NRXN2: variants seen among roughly 807,000 people sequenced by gnomAD.
NRXN2 encodes neurexin-2-beta.
In NRXN2, 29 loss-of-function variants were observed where a neutral mutation model predicts 128.8. The observed-to-expected ratio is 0.23, with a 90% CI of 0.17 to 0.31. The LOEUF (loss-of-function observed/expected upper bound fraction) is 0.31, where lower values mean the gene tolerates loss of function less well. Ranked by LOEUF, NRXN2 falls within the 10% of genes least tolerant of loss-of-function variation. The probability of loss-of-function intolerance (pLI) is 1.00; values close to 1 mark genes in which losing one functional copy is unlikely to be tolerated. For missense variants in NRXN2, 1,881 were observed against 2,452.6 expected, an observed-to-expected ratio of 0.77 and a Z score of 4.92; for synonymous variants, 1,098 against 1,075.2, an observed-to-expected ratio of 1.02 and a Z score of -0.41.
chr11:64,636,291 C>CGCCA (rs2044704622), intron 17 of NRXN2, among the ~76,000 whole-genome samples: 2 of 151,828 alleles, frequency 1.3e-5, no homozygotes, highest in East Asian at 3.9e-4. Flanking sequence ...TTCTCTTCTT[C>CGCCA]GCCAGCCGGC....
intron 9 of NRXN2, among the ~76,000 whole-genome samples, chr11:64,665,782 G>A (rs541354250): frequency 4.6e-5 from 7 of 152,138 alleles, no homozygotes; most frequent in Admixed American, 2.0e-4. Context: ...TGCTTAAATT[G>A]GATAATGTGT....
In NRXN2 at chr11:64,692,840, A is replaced by G. The variant is rs1267541721; in HGVS notation, c.778+7T>C. 1.2e-6 allele frequency: 2 copies of G among 1,614,000 alleles called. No homozygotes were observed. Among genetic ancestry groups the G allele is most frequent in the African/African-American group, 1.3e-5 (1 of 74,976 alleles). ...AATCCAAACCAAACCAAAACTTCAAACCATACCTTCGCTGTTTAACGTCAG... is the reference window on the plus strand; with the variant it reads ...AATCCAAACCAAACCAAAACTTCAAGCCATACCTTCGCTGTTTAACGTCAG... On this transcript the variant is annotated splice_region_variant and intron_variant, in intron 4 of 22. Coordinates refer to ENST00000265459, the MANE Select transcript of NRXN2 (RefSeq NM_015080.4).
At chr11:64,705,021 G>C (rs2056080156) in intron 2 of NRXN2, among the ~76,000 whole-genome samples, 1 of 152,144 alleles carries the variant, frequency 6.6e-6, no homozygotes, top group Admixed American at 6.5e-5. Context: ...CCAAGGACTT[G>C]GAAAACTGAG....
At position 64,661,011 on chromosome 11, in the gene NRXN2, G is replaced by C; in HGVS notation, c.1927C>G (p.Pro643Ala). Residue 643 changes from proline (P) to alanine (A), a missense_variant, in exon 10 of 23, where the codon CCA becomes GCA. By Grantham distance (27) the Pro-to-Ala change is conservative. Coordinates refer to ENST00000265459, the MANE Select transcript of NRXN2 (RefSeq NM_015080.4). ...CGGAGTGCTGCTGTCCACACCTCTG[G>C]GGGCAGGGGCAGGTCCACCCGGCCC... ...EGGRVDLPLP[P>A]EVWTAALRAG... The C allele has an allele frequency of 6.2e-7, 1 of 1,613,626 alleles. No homozygotes were observed. The highest frequency in any genetic ancestry group is 8.5e-7 in the Non-Finnish European group (1 of 1,179,990).
chr11:64,685,592 C>T, intron 6 of NRXN2, 54 bp downstream of exon 6: 1 of 1,611,310 alleles, frequency 6.2e-7, no homozygotes, highest in Admixed American at 1.7e-5. Flanking sequence ...CTCTCCCAAC[C>T]CCCATTCTAC....
In NRXN2 at chr11:64,622,869, T is replaced by A; in HGVS notation, c.4057A>T (p.Thr1353Ser). Residue 1353 changes from threonine to serine, a missense_variant, in exon 21 of 23, where the codon ACG (threonine) becomes TCG (serine). By Grantham distance (58) the Thr-to-Ser change is moderately conservative. Around this residue, in one of 7 missense-constraint regions of NRXN2, gnomAD observed 108 missense variants for 165.2 expected, o/e 0.65. Transcript: ENST00000265459. The surrounding 1 kb of genome is among the most constrained non-coding windows in gnomAD (Gnocchi z 4.3). ...GPSVLLSAET[T>S]ATTLLADMAT... ...ATGTCAGCCAGCAGGGTGGTGGCCGTGGTCTCCGCACTGAGCAGCACGGAC... is the reference window on the plus strand; with the variant it reads ...ATGTCAGCCAGCAGGGTGGTGGCCGAGGTCTCCGCACTGAGCAGCACGGAC... 1.2e-6 allele frequency: 2 copies of A among 1,612,884 alleles called. No individual in the cohort carries two copies. Among genetic ancestry groups the A allele is most frequent in the Non-Finnish European group, 1.7e-6 (2 of 1,179,882 alleles).
chr11:64,685,933 C>G lies in NRXN2; in HGVS notation c.865G>C (p.Val289Leu). The change falls in exon 6 of 23, where the codon GTG (valine) becomes CTG (leucine). Residue 289 changes from valine to leucine, a missense_variant. By Grantham distance (32) the Val-to-Leu change is conservative. This residue lies in a region of NRXN2 where 997 missense variants were observed against 1,240.8 expected (regional missense o/e 0.80). Transcript: ENST00000265459. ...AACTCATTGCCTTTGAAGGTCGCCA[C>G]AAACTCCTCCTTGCCTGGATGCCGT... is the stretch of plus-strand genomic sequence containing the variant. ...HQPTKGKEEFVATFKGNEFFC... is the reference protein window; with the variant it reads ...HQPTKGKEEFLATFKGNEFFC... The G allele has an allele frequency of 6.2e-7, 1 of 1,614,158 alleles. No homozygotes were observed. The highest frequency in any genetic ancestry group is 8.5e-7 in the Non-Finnish European group (1 of 1,180,042).
Position 64,607,819 on chromosome 11 carries a change from G to C in NRXN2, c.4516C>G (p.Pro1506Ala). ...ASGEVFDSSL[P>A]PTDDEDFYTT... is the part of the protein sequence containing the mutation. ...TAAAAGTCCTCGTCGTCCGTGGGGG[G>C]GAGGCTGGAGTCAAAGACCTCCCCG... The change falls in exon 23 of 23, where the codon CCC becomes GCC. Residue 1506 changes from proline to alanine, a missense_variant. Physicochemically the swap from Pro to Ala is conservative, Grantham distance 27. Around this residue, in one of 7 missense-constraint regions of NRXN2, gnomAD observed 310 missense variants for 318.2 expected, o/e 0.97. Coordinates refer to ENST00000265459, the MANE Select transcript of NRXN2 (RefSeq NM_015080.4). 9 of 1,602,128 alleles carry C rather than the reference G, an allele frequency of 5.6e-6. No homozygotes were observed. Among genetic ancestry groups the C allele is most frequent in the Non-Finnish European group, 7.7e-6 (9 of 1,174,930 alleles).
At position 64,607,168 on chromosome 11, in the gene NRXN2, G is replaced by A. The variant is rs1443115625; in HGVS notation, c.*28C>T. 2 of 1,605,162 alleles carry A rather than the reference G, an allele frequency of 1.2e-6. No individual in the cohort carries two copies. The highest frequency in any genetic ancestry group is 3.3e-5 in the Admixed American group (2 of 59,760). On this transcript the variant is annotated 3_prime_UTR_variant, in exon 23 of 23. Transcript: ENST00000265459. Reference sequence around the variant, plus strand: ...CTCCCGGGCCCTCCCAGGAGGGGCAGCTGGCAGTGGGGCGCAGTGCCGGGG... The same window carrying A: ...CTCCCGGGCCCTCCCAGGAGGGGCAACTGGCAGTGGGGCGCAGTGCCGGGG...
At chr11:64,620,509 C>T in intron 21 of NRXN2, 137 bp from the exon 22 acceptor site, 1 of 711,166 alleles carries the variant, frequency 1.4e-6, no homozygotes, top group Non-Finnish European at 2.5e-6. Flanking sequence ...AGTCCCAGCC[C>T]TCCCATCTCT....
intron 14 of NRXN2, among the ~76,000 whole-genome samples, chr11:64,650,850 G>A (rs1289429152): frequency 6.6e-6 from 1 of 152,152 alleles, no homozygotes; most frequent in Non-Finnish European, 1.5e-5. Context: ...GGGCCACCAA[G>A]GAGCCGGCTC....
At chr11:64,619,132 CT>C (rs2041951712) in intron 22 of NRXN2, among the ~76,000 whole-genome samples, 1 of 152,136 alleles carries the variant, frequency 6.6e-6, no homozygotes, top group Admixed American at 6.5e-5. Context: ...ACCACATAAT[CT>C]CCCCCAACCC....
At chr11:64,710,860 A>G (rs546395387) in intron 2 of NRXN2, among the ~76,000 whole-genome samples, 15 of 152,212 alleles carry the variant, frequency 9.9e-5, no homozygotes, top group Middle Eastern at 3.4e-3. Context: ...TCAAATACAC[A>G]CTGCCAGACT....
In NRXN2 at chr11:64,607,780, G is replaced by A. The variant is rs957884968; in HGVS notation, c.4555C>T (p.Leu1519=). 1 of 1,595,440 alleles carries A rather than the reference G, an allele frequency of 6.3e-7. No homozygotes were observed. The highest frequency in any genetic ancestry group is 8.5e-7 in the Non-Finnish European group (1 of 1,171,560). The part of the protein sequence containing the change: ...DDEDFYTTFP[L]VTDRTTLLSP... ...AGGAGGGTGGTGCGGTCCGTGACCA[G>A]GGGAAAGGTGGTGTAAAAGTCCTCG... The change falls in exon 23 of 23, where the codon CTG becomes TTG. Residue 1519 remains leucine, a synonymous_variant. Transcript: ENST00000265459.
intron 17 of NRXN2, among the ~76,000 whole-genome samples, chr11:64,638,556 G>C (rs2045170183): frequency 6.6e-6 from 1 of 152,204 alleles, no homozygotes; most frequent in African/African-American, 2.4e-5. Flanking sequence ...GGAAGGCACA[G>C]CTGTCTTCTA....
chr11:64,722,539 C>G (rs1027915634), intron 1 of NRXN2, among the ~76,000 whole-genome samples: 1 of 151,850 alleles, frequency 6.6e-6, no homozygotes, highest in African/African-American at 2.4e-5. Context: ...CTTCTCCAGC[C>G]CCCTCTCCTC....
chr11:64,678,189 C>A (rs550779381), intron 6 of NRXN2, among the ~76,000 whole-genome samples: 5 of 152,116 alleles, frequency 3.3e-5, no homozygotes, highest in Non-Finnish European at 5.9e-5. Context: ...TTGCCCTCCA[C>A]GGACTGGCAG....
At chr11:64,692,908 G>C (rs778542837) in intron 3 of NRXN2, 32 bp from the exon 4 acceptor site, 2 of 1,543,778 alleles carry the variant, frequency 1.3e-6, no homozygotes, top group South Asian at 2.3e-5. Flanking sequence ...AAGAAAGAAA[G>C]AAAAAAAGAA....
In NRXN2 at chr11:64,635,513, T is replaced by TCC; in HGVS notation, c.3404-63_3404-62dup. The TCC allele has an allele frequency of 6.3e-7, 1 of 1,577,184 alleles. No homozygotes were observed. Among genetic ancestry groups the TCC allele is most frequent in the Non-Finnish European group, 8.7e-7 (1 of 1,155,432 alleles). ...ACATCAGGAGGACGAGGTCAGCAGG[T>TCC]CCTCAGGGTTGTGACCAGAGGGATG... On this transcript the variant is annotated intron_variant, in intron 17 of 22. Coordinates refer to ENST00000265459, the MANE Select transcript of NRXN2 (RefSeq NM_015080.4). The surrounding 1 kb of genome is among the most constrained non-coding windows in gnomAD (Gnocchi z 4.8).
Sources: gnomAD v4.1 joint callset for allele counts (sites outside exome capture counted in the v4.1 genomes callset) on GRCh38, gnomAD v4.1.1 for gene constraint, gnomAD v4.1.1 regional missense constraint, Gnocchi (gnomAD v3.1) non-coding constraint, MANE v1.5 for transcripts, NCBI Gene and HGNC (gene_info 2026-07-23, HGNC 2026-07-21) for gene names.